Variants in LARP6 observed in about 807,000 individuals in gnomAD.
LARP6 encodes the protein la-related protein 6.
Under a neutral mutation model 32.8 loss-of-function variants are expected in LARP6, and 18 were observed. The observed-to-expected ratio is 0.55, with a 90% CI of 0.38 to 0.81. The LOEUF (loss-of-function observed/expected upper bound fraction) is 0.81. Ranked by LOEUF, LARP6 falls within the 40% of genes least tolerant of loss-of-function variation. The pLI is 0.00. For synonymous variants in LARP6, 289 were observed against 267.2 expected, an observed-to-expected ratio of 1.08 and a Z score of -0.80; for missense variants, 598 against 663.1, an observed-to-expected ratio of 0.90 and a Z score of 1.08.
At chr15:70,843,649 C>CT (rs67996815) in intron 1 of LARP6, among the ~76,000 whole-genome samples, 2,694 of 80,304 alleles carry the variant, frequency 0.034, 84 homozygotes, top group African/African-American at 0.047. Context: ...GTTTTGGTGT[C>CT]TTTTTTTTTT....
intron 1 of LARP6, among the ~76,000 whole-genome samples, chr15:70,838,134 C>T (rs573020522): frequency 2.0e-5 from 3 of 152,110 alleles, no homozygotes; most frequent in South Asian, 2.1e-4. Context: ...GTCATGGTGG[C>T]GCTCAAAATG....
chr15:70,833,169 T>C (rs2032087507), intron 2 of LARP6, 53 bp from the exon 3 acceptor site: 5 of 1,461,728 alleles, frequency 3.4e-6, no homozygotes, highest in Non-Finnish European at 4.8e-6. Flanking sequence ...TGTCCATCCT[T>C]GTGTATGCTA....
intron 1 of LARP6, among the ~76,000 whole-genome samples, chr15:70,837,859 A>T (rs1476959683): frequency 6.6e-6 from 1 of 152,226 alleles, no homozygotes. Context: ...AGTATCCCTT[A>T]TCCAAAATGC....
intron 2 of LARP6, among the ~76,000 whole-genome samples, chr15:70,836,036 A>G (rs1333501467): frequency 6.6e-6 from 1 of 152,226 alleles, no homozygotes; most frequent in Non-Finnish European, 1.5e-5. Context: ...CCTGAACTTT[A>G]CTAAGAACAA....
chr15:70,843,797 A>G lies in LARP6; in HGVS notation c.201-7292T>C, dbSNP rs1159990602. Among the ~76,000 whole-genome samples the G allele has an allele frequency of 1.5e-4, 23 of 150,568 alleles. No individual in the cohort carries two copies. In the East Asian group the frequency reaches 4.5e-3, roughly 29 times the overall value. ...CAGCCTCCTGAGTAGCTGGGATTAC[A>G]GGCGCACGCTGCCACGCCCGGCTAA... On this transcript the variant is annotated intron_variant, in intron 1 of 2. Transcript: ENST00000299213.
intron 1 of LARP6, among the ~76,000 whole-genome samples, chr15:70,846,598 G>A (rs1414519225): frequency 7.1e-6 from 1 of 139,898 alleles, no homozygotes; most frequent in Non-Finnish European, 1.6e-5. Context: ...GACAGAGTGA[G>A]ACCCTGTCTC....
rs1176627483 is a variant in LARP6, at chr15:70,831,381, T to G, written c.*671A>C. On this transcript the variant is annotated 3_prime_UTR_variant, in exon 3 of 3. Coordinates refer to ENST00000299213, the MANE Select transcript of LARP6 (RefSeq NM_018357.4). ...TAAACATGTAACAAAGTTTCTCATG[T>G]AGCCCATAAATGTGTACAAATAAAA... 1 of 152,270 alleles carries G rather than the reference T, an allele frequency of 6.6e-6. No homozygotes were observed. Among genetic ancestry groups the G allele is most frequent in the Non-Finnish European group, 1.5e-5 (1 of 68,050 alleles). The allele number at this position is 152,270 out of a possible 1,614,324, so 9.4% of individuals were successfully genotyped here.
chr15:70,831,876 T>C lies in LARP6; in HGVS notation c.*176A>G. ...ACAGGAGTCCTGAACTAGAAGGTGG[T>C]CTTCAAACCATGGCGTACCGATTTA... On this transcript the variant is annotated 3_prime_UTR_variant, in exon 3 of 3. Transcript: ENST00000299213. The C allele has an allele frequency of 2.3e-6, 1 of 432,920 alleles. No homozygotes were observed. Among genetic ancestry groups the C allele is most frequent in the Middle Eastern group, 6.0e-4 (1 of 1,654 alleles). The allele number at this position is 432,920 out of a possible 1,614,324, so 26.8% of individuals were successfully genotyped here.
chr15:70,849,930 TA>T lies in LARP6; in HGVS notation c.200+3958del, dbSNP rs918216802. Among the ~76,000 whole-genome samples, 6 of 151,800 alleles carry T rather than the reference TA, an allele frequency of 4.0e-5. No individual in the cohort carries two copies. In the East Asian group the frequency reaches 7.7e-4, roughly 20 times the overall value. On this transcript the variant is annotated intron_variant, in intron 1 of 2. Transcript: ENST00000299213. ...CCAGATGATGAGACAAAGCTTTTTT[TA>T]AAAAAAAATAGAGCAATGCTGGCTA...
At chr15:70,848,821 G>A (rs946165152) in intron 1 of LARP6, 5 of 152,106 alleles carry the variant, frequency 3.3e-5, no homozygotes, top group African/African-American at 9.7e-5. Flanking sequence ...TGGAAAAAAA[G>A]AGAAACCTAG....
intron 1 of LARP6, among the ~76,000 whole-genome samples, chr15:70,842,690 C>G (rs1042153488): frequency 6.6e-6 from 1 of 152,192 alleles, no homozygotes; most frequent in African/African-American, 2.4e-5. Flanking sequence ...CACAGTCTCA[C>G]AGTAGACTAT....
intron 1 of LARP6, among the ~76,000 whole-genome samples, chr15:70,841,972 C>T (rs1473407316): frequency 6.6e-6 from 1 of 152,122 alleles, no homozygotes; most frequent in Admixed American, 6.6e-5. Context: ...GATACTCTCC[C>T]CCCTGGGCTT....
rs770915412 is a variant in LARP6 at position 70,832,593 on chromosome 15, G to T, written c.935C>A (p.Ala312Glu). The change falls in exon 3 of 3, where the codon GCG becomes GAG. Residue 312 changes from alanine (A) to glutamate (E), a missense_variant. Transcript: ENST00000299213. The part of the protein sequence containing the change: ...KDKNHDEEPT[A>E]SIHLNKSLNK... Reference sequence around the variant, plus strand: ...CAGGGACTTGTTCAGGTGGATGCTCGCAGTGGGCTCCTCGTCATGATTTTT... The same window carrying T: ...CAGGGACTTGTTCAGGTGGATGCTCTCAGTGGGCTCCTCGTCATGATTTTT... 5 of 1,596,716 alleles carry T rather than the reference G, an allele frequency of 3.1e-6. No homozygotes were observed. In the Admixed American group the frequency reaches 8.7e-5, roughly 28 times the overall value.
At chr15:70,835,655 G>C (rs541775198) in intron 2 of LARP6, among the ~76,000 whole-genome samples, 2 of 152,316 alleles carry the variant, frequency 1.3e-5, no homozygotes, top group Non-Finnish European at 2.9e-5. Flanking sequence ...TCCCCTAAGG[G>C]AGACACAGAG....
In LARP6 at chr15:70,853,851, C is replaced by A. The variant is rs2032562124; in HGVS notation, c.200+38G>T. On this transcript the variant is annotated intron_variant, in intron 1 of 2. Transcript: ENST00000299213. ...CGAACTCGCGCGCGGCCCGGCGCCC[C>A]CTCGGGGCCCACCTCCCGGGCCAGC... 2.4e-6 allele frequency: 3 copies of A among 1,225,820 alleles called. No individual in the cohort carries two copies. The African/African-American group carries it at 4.7e-5, about 19-fold the overall frequency. 75.9% of individuals were successfully genotyped at this position (1,225,820 alleles called of 1,614,324 possible).
intron 1 of LARP6, among the ~76,000 whole-genome samples, chr15:70,838,994 A>C (rs558389875): frequency 3.1e-4 from 47 of 152,238 alleles, no homozygotes; most frequent in African/African-American, 1.1e-3. Context: ...GAAAAAAGCA[A>C]ATAAATCTAT....
In LARP6 at chr15:70,836,437, T is replaced by C; in HGVS notation, c.269A>G (p.Glu90Gly). The C allele has an allele frequency of 6.2e-7, 1 of 1,614,202 alleles. No individual in the cohort carries two copies. The highest frequency in any genetic ancestry group is 8.5e-7 in the Non-Finnish European group (1 of 1,180,032). Residue 90 changes from glutamate (E) to glycine (G), a missense_variant, in exon 2 of 3, where the codon GAG (glutamate) becomes GGG (glycine). Transcript: ENST00000299213. Reference protein sequence around the residue: ...DLEQEWKPPDEELIKKLVDQI... With the variant: ...DLEQEWKPPDGELIKKLVDQI... ...ATCCACCAGTTTCTTGATCAACTCC[T>C]CATCCGGGGGCTTCCACTCCTGCTC...
At chr15:70,850,468 C>T (rs763332275) in intron 1 of LARP6, among the ~76,000 whole-genome samples, 6 of 152,092 alleles carry the variant, frequency 3.9e-5, no homozygotes, top group Admixed American at 2.0e-4. Context: ...AAACTGAATT[C>T]GACAGCATCT....
chr15:70,843,649 C>CTTTTTTTTTTTTTTTTTTTTT (rs67996815), intron 1 of LARP6, among the ~76,000 whole-genome samples: 1 of 80,590 alleles, frequency 1.2e-5, no homozygotes. Context: ...GTTTTGGTGT[C>CTTTTTTTTTTTTTTTTTTTTT]TTTTTTTTTT....
Sources: gnomAD v4.1 joint callset for allele counts (sites outside exome capture counted in the v4.1 genomes callset) on GRCh38, gnomAD v4.1.1 for gene constraint, MANE v1.5 for transcripts, NCBI Gene and HGNC (gene_info 2026-07-23, HGNC 2026-07-21) for gene names.